Variants in VAV3 observed in about 807,000 individuals in gnomAD.
VAV3 encodes guanine nucleotide exchange factor VAV3.
VAV3 carries 94 observed loss-of-function variants against 131.2 expected under a neutral mutation model. The ratio of observed to expected loss-of-function variants is 0.72; its 90% CI spans 0.61 to 0.85. The LOEUF is 0.85. Ranked by LOEUF, VAV3 falls within the 40% of genes least tolerant of loss-of-function variation. The pLI, the probability that VAV3 is intolerant of heterozygous loss-of-function variation, is 0.00. For missense variants in VAV3, 939 were observed against 1,002.7 expected (o/e 0.94, Z 0.86); for synonymous variants, 349 against 342.0 (o/e 1.02, Z -0.22).
chr1:107,735,706 C>A (rs577208581), intron 15 of VAV3, among the ~76,000 whole-genome samples: 131 of 152,198 alleles, frequency 8.6e-4, no homozygotes, highest in African/African-American at 3.0e-3. Context: ...GAAATTCAGG[C>A]AATAATTAAT....
intron 24 of VAV3, among the ~76,000 whole-genome samples, chr1:107,600,666 C>T (rs1651779718): frequency 1.3e-5 from 2 of 152,072 alleles, no homozygotes; most frequent in African/African-American, 4.8e-5. Flanking sequence ...ATTGCTTTCA[C>T]TATAATCACA....
intron 2 of VAV3, chr1:107,785,333 T>C: frequency 1.0e-6 from 1 of 954,646 alleles, no homozygotes. Flanking sequence ...TAATTATGGA[T>C]TTATCTTCTT....
At chr1:107,588,122 G>A (rs1242226764) in intron 25 of VAV3, among the ~76,000 whole-genome samples, 1 of 152,168 alleles carries the variant, frequency 6.6e-6, no homozygotes, top group Non-Finnish European at 1.5e-5. Context: ...ATCAGGCTCA[G>A]AATAAAAATG....
chr1:107,893,651 C>T (rs1671424337), intron 1 of VAV3, among the ~76,000 whole-genome samples: 1 of 152,166 alleles, frequency 6.6e-6, no homozygotes, highest in African/African-American at 2.4e-5. Flanking sequence ...CACATGAGAA[C>T]AGCACAGGAA....
chr1:107,666,568 G>C (rs72703602), intron 19 of VAV3, among the ~76,000 whole-genome samples: 87 of 143,856 alleles, frequency 6.0e-4, no homozygotes, highest in Admixed American at 8.5e-4. Context: ...AAGATCATTT[G>C]AGACTTTTTT....
chr1:107,851,637 C>T (rs1047130255), intron 2 of VAV3, among the ~76,000 whole-genome samples: 2 of 152,098 alleles, frequency 1.3e-5, no homozygotes, highest in Admixed American at 6.5e-5. Context: ...AGTGCTCCCA[C>T]AGGATGCTGT....
chr1:107,760,744 G>T, intron 10 of VAV3, 40 bp downstream of exon 10: 1 of 1,481,142 alleles, frequency 6.8e-7, no homozygotes, highest in Non-Finnish European at 9.4e-7. Context: ...TTTGTTGAGT[G>T]AATAAATGGA....
At chr1:107,782,660 G>A (rs573487754) in intron 2 of VAV3, among the ~76,000 whole-genome samples, 62 of 152,304 alleles carry the variant, frequency 4.1e-4, no homozygotes, top group South Asian at 2.9e-3. Flanking sequence ...GAGTCCATCC[G>A]TTAACTCTAA....
At chr1:107,815,764 A>G (rs1667535401) in intron 2 of VAV3, among the ~76,000 whole-genome samples, 1 of 152,118 alleles carries the variant, frequency 6.6e-6, no homozygotes, top group Non-Finnish European at 1.5e-5. Flanking sequence ...CCCAACTCCC[A>G]TTATCTTCTT....
intron 19 of VAV3, among the ~76,000 whole-genome samples, chr1:107,673,377 AC>A (rs1657962422): frequency 6.6e-6 from 1 of 151,912 alleles, no homozygotes; most frequent in Non-Finnish European, 1.5e-5. Context: ...TCCTGCTCCA[AC>A]CCTAACCATC....
rs766577641 is a variant in VAV3 at position 107,772,723 on chromosome 1, T to C, written c.555+12A>G. On this transcript the variant is annotated intron_variant, in intron 5 of 26. Coordinates refer to ENST00000370056, the MANE Select transcript of VAV3 (RefSeq NM_006113.5). ...TATTCAGAGTAACTTTAAAAACAAG[T>C]AAAAGTCCTACGGGCTGATGTGCTT... 4.4e-6 allele frequency: 7 copies of C among 1,600,882 alleles called. No homozygotes were observed. The South Asian group carries it at 7.9e-5, about 18-fold the overall frequency.
In VAV3 at chr1:107,598,179, C is replaced by A. The variant is rs576240618; in HGVS notation, c.2221-1838G>T. ...GACCAACGTGGCCAACATGGTGAAA[C>A]CCTGTCTCTACCAAAAATACAAAAA... On this transcript the variant is annotated intron_variant, in intron 24 of 26. Transcript: ENST00000370056. Among the ~76,000 whole-genome samples the A allele has an allele frequency of 3.3e-5, 5 of 152,138 alleles. No homozygotes were observed. In the East Asian group the frequency reaches 9.7e-4, roughly 29 times the overall value.
rs1250031094 is a variant in VAV3, at chr1:107,639,256, T to C, written c.1914+3363A>G. On this transcript the variant is annotated intron_variant, in intron 20 of 26. Coordinates refer to ENST00000370056, the MANE Select transcript of VAV3 (RefSeq NM_006113.5). The stretch of plus-strand genomic sequence containing the variant: ...AACAAAGGAGAATGTCTTTGTAACT[T>C]TGGGGTAGGCAAAGATTTGTTAGAT... 2.6e-5 allele frequency among the ~76,000 whole-genome samples: 4 copies of C among 152,086 alleles called. No individual in the cohort carries two copies. The East Asian group carries it at 5.8e-4, about 22-fold the overall frequency.
intron 1 of VAV3, among the ~76,000 whole-genome samples, chr1:107,876,402 G>T (rs1329837503): frequency 6.6e-6 from 1 of 152,158 alleles, no homozygotes; most frequent in Non-Finnish European, 1.5e-5. Flanking sequence ...GGAGAACAGA[G>T]AAATGGTCAA....
At chr1:107,634,852 G>C (rs1318448104) in intron 20 of VAV3, among the ~76,000 whole-genome samples, 1 of 152,010 alleles carries the variant, frequency 6.6e-6, no homozygotes, top group African/African-American at 2.4e-5. Context: ...TTATGCAGCT[G>C]AAAGACACAT....
chr1:107,804,098 T>C (rs1380026399), intron 2 of VAV3, among the ~76,000 whole-genome samples: 1 of 152,092 alleles, frequency 6.6e-6, no homozygotes, highest in African/African-American at 2.4e-5. Flanking sequence ...GAATATATTT[T>C]TCTATCCCAT....
chr1:107,862,819 T>C (rs916054304), intron 2 of VAV3: 1 of 144,146 alleles, frequency 6.9e-6, no homozygotes. Context: ...TACAGACAAA[T>C]ATTCCTAGAA....
chr1:107,753,707 G>A (rs537339947), intron 12 of VAV3, among the ~76,000 whole-genome samples: 2 of 151,132 alleles, frequency 1.3e-5, no homozygotes, highest in Non-Finnish European at 2.9e-5. Context: ...CTACAGGCAC[G>A]TGCCACCATG....
intron 13 of VAV3, among the ~76,000 whole-genome samples, chr1:107,750,236 T>C (rs896506825): frequency 1.3e-5 from 2 of 152,224 alleles, no homozygotes; most frequent in East Asian, 1.9e-4. Flanking sequence ...CATGATTTAA[T>C]TGGCCACCTA....
Sources: gnomAD v4.1 joint callset for allele counts (sites outside exome capture counted in the v4.1 genomes callset) on GRCh38, gnomAD v4.1.1 for gene constraint, MANE v1.5 for transcripts, NCBI Gene and HGNC (gene_info 2026-07-23, HGNC 2026-07-21) for gene names.